Variants in NRBF2 observed in about 807,000 individuals in gnomAD.
NRBF2 encodes nuclear receptor binding factor 2.
In NRBF2, 12 loss-of-function variants were observed where a neutral mutation model predicts 28.5. The ratio of observed to expected loss-of-function variants is 0.42; its 90% CI spans 0.27 to 0.68. The LOEUF (loss-of-function observed/expected upper bound fraction) is 0.68. Ranked by LOEUF, NRBF2 falls within the 30% of genes least tolerant of loss-of-function variation. The probability of loss-of-function intolerance (pLI) is 0.24; values close to 1 mark genes in which losing one functional copy is unlikely to be tolerated. For missense variants in NRBF2, 274 were observed against 333.5 expected (o/e 0.82, Z 1.39); for synonymous variants, 102 against 116.5 (o/e 0.88, Z 0.80).
Position 63,152,851 on chromosome 10 carries a change from G to T in NRBF2, c.157-660G>T, listed in dbSNP as rs550184867. On this transcript the variant is annotated intron_variant, in intron 3 of 3. Transcript: ENST00000277746. ...ATCTCTACAAAAACTTAAAAAATTA[G>T]CTGGGCGTGGTGGCACATGCCTGTA... Among the ~76,000 whole-genome samples the T allele has an allele frequency of 7.9e-5, 12 of 152,260 alleles. No homozygotes were observed. In the South Asian group the frequency reaches 2.5e-3, roughly 32 times the overall value.
At chr10:63,135,459 T>C (rs949859809) in intron 1 of NRBF2, among the ~76,000 whole-genome samples, 5 of 152,172 alleles carry the variant, frequency 3.3e-5, no homozygotes, top group African/African-American at 7.2e-5. Flanking sequence ...TGGGTGACAG[T>C]TGCAGATAGA....
rs1313225339 is a variant in NRBF2 at position 63,154,174 on chromosome 10, A to T, written c.820A>T (p.Met274Leu). ...TTTTCCATCTCCAGAACTTCCTCTT[A>T]TGGAGCTCTCTGAGGATATTCTGAA... ...LDFPSPELPL[M>L]ELSEDILKGF... The change falls in exon 4 of 4, where the codon ATG (methionine) becomes TTG (leucine). Residue 274 changes from methionine to leucine, a missense_variant. Physicochemically the swap from Met to Leu is conservative, Grantham distance 15 (BLOSUM62 2). Coordinates refer to ENST00000277746, the MANE Select transcript of NRBF2 (RefSeq NM_030759.5). 6.2e-7 allele frequency: 1 copy of T among 1,609,038 alleles called. No individual in the cohort carries two copies. Among genetic ancestry groups the T allele is most frequent in the Non-Finnish European group, 8.5e-7 (1 of 1,175,690 alleles).
chr10:63,144,457 C>G (rs1281104294), intron 1 of NRBF2, among the ~76,000 whole-genome samples: 3 of 151,162 alleles, frequency 2.0e-5, no homozygotes, highest in African/African-American at 7.3e-5. Flanking sequence ...CTCTGTCACC[C>G]AGGCTGGAGT....
chr10:63,142,768 C>CT (rs1162554175), intron 1 of NRBF2, among the ~76,000 whole-genome samples: 1 of 63,762 alleles, frequency 1.6e-5, no homozygotes, highest in Non-Finnish European at 2.9e-5. Context: ...CATTTCTTTT[C>CT]TTTCTTTCTT....
chr10:63,153,232 T>G (rs1312452841), intron 3 of NRBF2, among the ~76,000 whole-genome samples: 1 of 152,186 alleles, frequency 6.6e-6, no homozygotes, highest in Non-Finnish European at 1.5e-5. Context: ...GACTTTCTTT[T>G]TAGCTGTTGG....
intron 1 of NRBF2, among the ~76,000 whole-genome samples, chr10:63,144,309 C>T (rs1310870428): frequency 6.6e-6 from 1 of 152,116 alleles, no homozygotes; most frequent in African/African-American, 2.4e-5. Context: ...TTTAGATACC[C>T]AATAAGTCGA....
In NRBF2 at chr10:63,152,151, A is replaced by C. The variant is rs7910455; in HGVS notation, c.117A>C (p.Ala39=). 4.1e-3 allele frequency: 6,664 copies of C among 1,612,486 alleles called. 211 individuals are homozygous for C. The African/African-American group carries it at 0.074, about 18-fold the overall frequency. The change falls in exon 3 of 4, where the codon GCA becomes GCC. Residue 39 remains alanine, a splice_region_variant and synonymous_variant. Transcript: ENST00000277746. ...EAISCHKKAA[A]YLSEAMKLTQ... ...CATGCCTATTTTTTCTCTTAACAGC[A>C]TATCTTTCTGAAGCCATGAAGCTGA... is the stretch of plus-strand genomic sequence containing the variant.
intron 1 of NRBF2, among the ~76,000 whole-genome samples, chr10:63,140,638 A>G (rs1841449210): frequency 6.6e-6 from 1 of 151,400 alleles, no homozygotes; most frequent in Admixed American, 6.6e-5. Flanking sequence ...GGTCTCAAGC[A>G]GCCCTCCCAC....
intron 1 of NRBF2, among the ~76,000 whole-genome samples, chr10:63,136,134 T>C (rs1841373972): frequency 6.6e-6 from 1 of 151,488 alleles, no homozygotes; most frequent in South Asian, 2.1e-4. Context: ...CTTTTTTTTT[T>C]TTTTTTTTTC....
intron 1 of NRBF2, among the ~76,000 whole-genome samples, chr10:63,136,553 C>T (rs1257120097): frequency 6.6e-6 from 1 of 152,172 alleles, no homozygotes; most frequent in Non-Finnish European, 1.5e-5. Context: ...TCAGAGCATC[C>T]TCGGAACTTA....
At chr10:63,144,036 G>A (rs1455999765) in intron 1 of NRBF2, among the ~76,000 whole-genome samples, 1 of 152,104 alleles carries the variant, frequency 6.6e-6, no homozygotes, top group Non-Finnish European at 1.5e-5. Context: ...GGGATTATAG[G>A]CATGAGCCAC....
intron 1 of NRBF2, among the ~76,000 whole-genome samples, chr10:63,134,686 A>T (rs1262526542): frequency 6.6e-6 from 1 of 152,218 alleles, no homozygotes; most frequent in Non-Finnish European, 1.5e-5. Flanking sequence ...AGAGTTAGCG[A>T]TTATAACCAG....
intron 1 of NRBF2, among the ~76,000 whole-genome samples, chr10:63,139,787 C>A (rs548279410): frequency 6.8e-4 from 103 of 152,144 alleles, no homozygotes; most frequent in African/African-American, 2.4e-3. Context: ...ATTGTCTGCT[C>A]CTAAGTTTGA....
intron 3 of NRBF2, 137 bp from the exon 4 acceptor site, chr10:63,153,374 A>G (rs1273676706): frequency 4.5e-6 from 3 of 666,126 alleles, no homozygotes; most frequent in African/African-American, 3.7e-5. Context: ...GACTTTCTGA[A>G]TGGTATTTTT....
At chr10:63,147,781 A>G (rs1841587760) in intron 2 of NRBF2, among the ~76,000 whole-genome samples, 1 of 151,382 alleles carries the variant, frequency 6.6e-6, no homozygotes, top group African/African-American at 2.4e-5. Context: ...CTTTTTTTAA[A>G]AAAGAAATAG....
chr10:63,149,832 A>G (rs550338856), intron 2 of NRBF2, among the ~76,000 whole-genome samples: 1 of 152,352 alleles, frequency 6.6e-6, no homozygotes, highest in East Asian at 1.9e-4. Context: ...AAAGCAAACT[A>G]TAGTTCAAAC....
At position 63,154,952 on chromosome 10, in the gene NRBF2, A is replaced by G. The variant is rs1841711969; in HGVS notation, c.*734A>G. 6.6e-6 allele frequency: 1 copy of G among 152,524 alleles called. No homozygotes were observed. Among genetic ancestry groups the G allele is most frequent in the Admixed American group, 6.5e-5 (1 of 15,282 alleles). 9.4% of individuals were successfully genotyped at this position (152,524 alleles called of 1,614,324 possible). A position where few individuals can be genotyped will look rare whatever the true frequency, so the allele number is the denominator to read the frequency against. ...AAGGAGGAAATACCCTTTGTTTTTA[A>G]TGATGCAAGAGTGGACGTAATGCTA... On this transcript the variant is annotated 3_prime_UTR_variant, in exon 4 of 4. Transcript: ENST00000277746.
At chr10:63,133,622 G>C in intron 1 of NRBF2, 122 bp downstream of exon 1, 1 of 745,436 alleles carries the variant, frequency 1.3e-6, no homozygotes, top group Non-Finnish European at 2.3e-6. Flanking sequence ...AGTGGTCGCA[G>C]AGGCTGTGAG....
intron 1 of NRBF2, among the ~76,000 whole-genome samples, chr10:63,142,293 G>GTTTTTTTTTTTTTTTT (rs1261835924): frequency 7.4e-6 from 1 of 135,532 alleles, no homozygotes. Context: ...CAGAACCTTT[G>GTTTTTTTTTTTTTTTT]TTTTTTTTGT....
Sources: allele counts gnomAD v4.1 joint callset (sites outside exome capture counted in the v4.1 genomes callset), GRCh38; gene constraint gnomAD v4.1.1; transcripts MANE v1.5; gene names NCBI Gene and HGNC (gene_info 2026-07-23, HGNC 2026-07-21).